SORCS2: variants seen among roughly 807,000 people sequenced by gnomAD.
SORCS2 encodes VPS10 domain-containing receptor SorCS2.
Under a neutral mutation model 141.6 loss-of-function variants are expected in SORCS2, and 100 were observed. The ratio of observed to expected loss-of-function variants is 0.71; its 90% CI spans 0.60 to 0.83. SORCS2 has a LOEUF of 0.83. Among genes scored for constraint, SORCS2 ranks in the 40% least tolerant of loss-of-function variants. The pLI is 0.00. For synonymous variants in SORCS2, 789 were observed against 676.9 expected (o/e 1.17, Z -2.57); for missense variants, 1,646 against 1,560.2 (o/e 1.05, Z -0.93).
At chr4:7,701,498 G>A (rs984173465) in intron 12 of SORCS2, among the ~76,000 whole-genome samples, 12 of 152,354 alleles carry the variant, frequency 7.9e-5, no homozygotes, top group Admixed American at 2.0e-4. Context: ...TGTATTCAGG[G>A]AAAGGAAGCA....
At chr4:7,560,877 G>A (rs1261140557) in intron 3 of SORCS2, among the ~76,000 whole-genome samples, 2 of 152,180 alleles carry the variant, frequency 1.3e-5, no homozygotes, top group Non-Finnish European at 2.9e-5. Flanking sequence ...AGAGGTTCCT[G>A]TGGGTGCAAA....
chr4:7,215,947 C>T (rs1728322271), intron 1 of SORCS2, among the ~76,000 whole-genome samples: 1 of 72,646 alleles, frequency 1.4e-5, no homozygotes, highest in Non-Finnish European at 3.9e-5. Flanking sequence ...AAGCAGGCTG[C>T]CGGAGCCAGC....
At chr4:7,711,123 C>T (rs1256200135) in intron 14 of SORCS2, among the ~76,000 whole-genome samples, 1 of 152,204 alleles carries the variant, frequency 6.6e-6, no homozygotes, top group Non-Finnish European at 1.5e-5. Flanking sequence ...CCATGCTCAG[C>T]TTGCAGAGGC....
At chr4:7,652,904 T>C (rs1721531855) in intron 4 of SORCS2, among the ~76,000 whole-genome samples, 1 of 152,184 alleles carries the variant, frequency 6.6e-6, no homozygotes, top group Admixed American at 6.5e-5. Context: ...GTCAAATGCT[T>C]TTCCTTTCTT....
intron 3 of SORCS2, among the ~76,000 whole-genome samples, chr4:7,539,185 A>G (rs959131137): frequency 1.3e-5 from 2 of 152,128 alleles, no homozygotes; most frequent in Non-Finnish European, 2.9e-5. Context: ...ACAGACACCA[A>G]AAGCCTGTGC....
intron 1 of SORCS2, among the ~76,000 whole-genome samples, chr4:7,253,337 G>A (rs1236186643): frequency 6.6e-6 from 1 of 152,244 alleles, no homozygotes; most frequent in Middle Eastern, 3.2e-3. Context: ...CTGAATCTGT[G>A]GCCCTGTGTC....
At chr4:7,694,063 C>T (rs1724438633) in intron 11 of SORCS2, among the ~76,000 whole-genome samples, 1 of 152,234 alleles carries the variant, frequency 6.6e-6, no homozygotes, top group Admixed American at 6.5e-5. Flanking sequence ...GCGTCTGCCC[C>T]GCAGTCCTCC....
intron 2 of SORCS2, among the ~76,000 whole-genome samples, chr4:7,498,662 C>T (rs569150351): frequency 9.8e-5 from 15 of 152,340 alleles, no homozygotes; most frequent in Middle Eastern, 3.4e-3. Flanking sequence ...GCTCTAAGCC[C>T]CTGATCCCAA....
intron 5 of SORCS2, among the ~76,000 whole-genome samples, chr4:7,657,891 T>C (rs764745151): frequency 6.6e-6 from 1 of 150,586 alleles, no homozygotes; most frequent in Non-Finnish European, 1.5e-5. Flanking sequence ...AGTGAATGAG[T>C]GAGTGAGTGA....
intron 3 of SORCS2, among the ~76,000 whole-genome samples, chr4:7,543,421 A>T (rs1349492629): frequency 6.0e-5 from 9 of 150,834 alleles, no homozygotes; most frequent in Non-Finnish European, 1.3e-4. Flanking sequence ...CCATCTATCC[A>T]TCCATCCGTC....
chr4:7,311,124 C>T (rs1397223775), intron 1 of SORCS2, among the ~76,000 whole-genome samples: 1 of 152,074 alleles, frequency 6.6e-6, no homozygotes, highest in East Asian at 1.9e-4. Flanking sequence ...CACCCACTGT[C>T]TCCTTCCCGC....
intron 2 of SORCS2, among the ~76,000 whole-genome samples, chr4:7,515,244 T>C (rs1732900310): frequency 6.6e-6 from 1 of 152,178 alleles, no homozygotes; most frequent in Non-Finnish European, 1.5e-5. Context: ...GTCACACAGC[T>C]TGTCACCATA....
intron 3 of SORCS2, among the ~76,000 whole-genome samples, chr4:7,550,126 GTGTGTA>G (rs1345691866): frequency 1.5e-4 from 10 of 67,016 alleles, no homozygotes; most frequent in South Asian, 9.1e-4. Flanking sequence ...GTGTGTGTAT[GTGTGTA>G]TGTGTGTGTG....
intron 2 of SORCS2, among the ~76,000 whole-genome samples, chr4:7,425,871 C>T (rs1056840411): frequency 1.3e-5 from 2 of 152,234 alleles, no homozygotes; most frequent in East Asian, 1.9e-4. Context: ...GGCTCTGCCT[C>T]GTCCACACTT....
Position 7,286,249 on chromosome 4 carries a change from G to T in SORCS2, c.480+93123G>T, listed in dbSNP as rs1716215837. On this transcript the variant is annotated intron_variant, in intron 1 of 26. Transcript: ENST00000507866. This position sits in a 1 kb window ranked among gnomAD's most constrained non-coding sequence, Gnocchi z 4.1. ...CGTGGGAAGTGGGCACAGCCTCATGGTGTCTCCGTAGAAAGAAGATAGAGG... is the reference window on the plus strand; with the variant it reads ...CGTGGGAAGTGGGCACAGCCTCATGTTGTCTCCGTAGAAAGAAGATAGAGG... Among the ~76,000 whole-genome samples, 1 of 152,204 alleles carries T rather than the reference G, an allele frequency of 6.6e-6. No individual in the cohort carries two copies. Among genetic ancestry groups the T allele is most frequent in the African/African-American group, 2.4e-5 (1 of 41,458 alleles).
chr4:7,400,296 T>C, intron 2 of SORCS2, among the ~76,000 whole-genome samples: 1 of 152,028 alleles, frequency 6.6e-6, no homozygotes, highest in East Asian at 1.9e-4. Flanking sequence ...CTGCCTGGAG[T>C]GCATGTGGCA....
chr4:7,313,108 G>A (rs1403904283), intron 1 of SORCS2, among the ~76,000 whole-genome samples: 3 of 152,228 alleles, frequency 2.0e-5, no homozygotes, highest in Admixed American at 6.5e-5. Context: ...CCAGACTGTG[G>A]GAGTACAACA....
At chr4:7,658,322 G>T (rs79278772) in intron 5 of SORCS2, among the ~76,000 whole-genome samples, 1 of 144,408 alleles carries the variant, frequency 6.9e-6, no homozygotes, top group African/African-American at 2.5e-5. Flanking sequence ...TCTGTGACTG[G>T]GTGAGTGGGT....
chr4:7,735,736 T>G (rs1712110283), intron 25 of SORCS2, among the ~76,000 whole-genome samples: 1 of 152,164 alleles, frequency 6.6e-6, no homozygotes, highest in African/African-American at 2.4e-5. Flanking sequence ...TAAATCAAAC[T>G]CAGCATCTTC....
Sources: allele counts gnomAD v4.1 joint callset (sites outside exome capture counted in the v4.1 genomes callset), GRCh38; gene constraint gnomAD v4.1.1; non-coding constraint Gnocchi (gnomAD v3.1); transcripts MANE v1.5; gene names NCBI Gene and HGNC (gene_info 2026-07-23, HGNC 2026-07-21).